The following XPO5 variants were observed in gnomAD, a reference collection of about 807,000 sequenced individuals.
XPO5 encodes exportin 5, also known as exportin-5.
A neutral mutation model predicts 160.6 loss-of-function variants in XPO5; 46 were observed. That is an observed-to-expected ratio of 0.29 (90% CI 0.23 to 0.37). The LOEUF (loss-of-function observed/expected upper bound fraction) is 0.37. Ranked by LOEUF, XPO5 falls within the 10% of genes least tolerant of loss-of-function variation. The probability of loss-of-function intolerance (pLI) is 1.00; values close to 1 mark genes in which losing one functional copy is unlikely to be tolerated. For synonymous variants in XPO5, 537 were observed against 519.3 expected, an observed-to-expected ratio of 1.03 and a Z score of -0.46; for missense variants, 1,090 against 1,463.9, an observed-to-expected ratio of 0.74 and a Z score of 4.17.
intron 1 of XPO5, 33 bp from the exon 2 acceptor site, chr6:43,573,634 G>A (rs1362694214): frequency 3.8e-6 from 6 of 1,597,424 alleles, no homozygotes; most frequent in Non-Finnish European, 4.3e-6. Flanking sequence ...TTCCTTTCGA[G>A]GGCTGAGAGA....
Position 43,523,620 on chromosome 6 carries a change from A to G in XPO5, c.*248T>C, listed in dbSNP as rs781563050. On this transcript the variant is annotated 3_prime_UTR_variant, in exon 32 of 32. Coordinates refer to ENST00000265351, the MANE Select transcript of XPO5 (RefSeq NM_020750.3). ...TTTTCTTGGAAAAGCCAAATCTCCA[A>G]GTAGAATGGGAACTATCTGGGACAT... 1.4e-6 allele frequency: 1 copy of G among 734,752 alleles called. No homozygotes were observed. The allele number at this position is 734,752 out of a possible 1,614,324, so 45.5% of individuals were successfully genotyped here.
chr6:43,571,105 C>T, intron 3 of XPO5, 111 bp from the exon 4 acceptor site: 9 of 1,104,134 alleles, frequency 8.2e-6, no homozygotes, highest in Non-Finnish European at 9.0e-6. Flanking sequence ...TACTTTTAAA[C>T]CAAACAGAAC....
intron 27 of XPO5, 154 bp downstream of exon 27, chr6:43,526,531 G>A (rs1217906830): frequency 1.5e-5 from 12 of 782,090 alleles, no homozygotes; most frequent in Non-Finnish European, 2.1e-5. Context: ...GTGGGAGTAT[G>A]ATGGAGGCAC....
In XPO5 at chr6:43,570,003, CTTTTTTTTTTTTTT is replaced by C. The variant is rs35322286; in HGVS notation, c.621+485_621+498del. On this transcript the variant is annotated intron_variant, in intron 5 of 31. Transcript: ENST00000265351. ...GGCTGCAGTAAGCCGAGATCCCTATCTTTTTTTTTTTTTTTTTTTTTTTTTTTAAAAAAGGCCAG... is the reference window on the plus strand; with the variant it reads ...GGCTGCAGTAAGCCGAGATCCCTATCTTTTTTTTTTTTTAAAAAAGGCCAG... Among the ~76,000 whole-genome samples, 127 of 85,384 alleles carry C rather than the reference CTTTTTTTTTTTTTT, an allele frequency of 1.5e-3. 1 individual carries two copies. The highest frequency in any genetic ancestry group is 8.7e-4 in the Non-Finnish European group (39 of 44,832). 56.0% of individuals were successfully genotyped at this position (85,384 alleles called of 152,430 possible). A position where few individuals can be genotyped will look rare whatever the true frequency, so the allele number is the denominator to read the frequency against.
chr6:43,572,662 A>AT, intron 2 of XPO5, 84 bp from the exon 3 acceptor site: 11 of 1,332,528 alleles, frequency 8.3e-6, no homozygotes, highest in Non-Finnish European at 1.2e-5. Flanking sequence ...TCTACATTTG[A>AT]TTACACTGGA....
chr6:43,546,526 A>AG, intron 20 of XPO5, 45 bp downstream of exon 20: 2 of 1,551,590 alleles, frequency 1.3e-6, no homozygotes, highest in Admixed American at 4.2e-5. Context: ...GAAATTTTTA[A>AG]GGTAAAGTAG....
intron 2 of XPO5, chr6:43,573,256 G>C (rs1763104019): frequency 2.1e-6 from 1 of 483,434 alleles, no homozygotes; most frequent in African/African-American, 2.0e-5. Context: ...TTTGTTGAAT[G>C]GGTAATATGT....
Position 43,570,514 on chromosome 6 carries a change from C to A in XPO5, c.609G>T (p.Lys203Asn). 1 of 1,612,964 alleles carries A rather than the reference C, an allele frequency of 6.2e-7. No individual in the cohort carries two copies. Among genetic ancestry groups the A allele is most frequent in the Non-Finnish European group, 8.5e-7 (1 of 1,179,528 alleles). ...LLNTLQENVN[K>N]YQQVKTDTSQ... ...GGGTATCCCTTACCACTTGCTGATA[C>A]TTGTTTACATTTTCTTGAAGTGTGT... The change falls in exon 5 of 32, where the codon AAG (lysine) becomes AAT (asparagine). Residue 203 changes from lysine (K) to asparagine (N), a missense_variant. Lys to Asn is a moderately conservative substitution (Grantham distance 94, BLOSUM62 0). Coordinates refer to ENST00000265351, the MANE Select transcript of XPO5 (RefSeq NM_020750.3).
intron 20 of XPO5, among the ~76,000 whole-genome samples, chr6:43,536,711 G>A (rs1052915444): frequency 1.3e-4 from 16 of 126,780 alleles, no homozygotes; most frequent in African/African-American, 4.9e-4. Flanking sequence ...AGTGAGCCAA[G>A]GTCGCGCCAC....
chr6:43,557,164 C>T (rs1172191802), intron 12 of XPO5, among the ~76,000 whole-genome samples: 3 of 132,644 alleles, frequency 2.3e-5, no homozygotes, highest in Non-Finnish European at 3.1e-5. Flanking sequence ...TGGTGGCTTA[C>T]GCCTGTAATC....
At chr6:43,549,397 T>C in intron 17 of XPO5, 92 bp downstream of exon 17, 2 of 1,266,274 alleles carry the variant, frequency 1.6e-6, no homozygotes, top group Non-Finnish European at 2.2e-6. Flanking sequence ...CTATAGTTTC[T>C]AGTTTTTTCT....
At chr6:43,551,191 G>C in intron 15 of XPO5, 107 bp downstream of exon 15, 1 of 1,226,414 alleles carries the variant, frequency 8.2e-7, no homozygotes, top group Non-Finnish European at 1.1e-6. Context: ...AGTAATTTGA[G>C]TCCAGCCTGG....
intron 5 of XPO5, among the ~76,000 whole-genome samples, chr6:43,570,097 G>C (rs138208331): frequency 0.012 from 1,805 of 147,838 alleles, 40 homozygotes; most frequent in African/African-American, 0.043. Context: ...CGGATCATGA[G>C]GTCAGGAGAT....
rs558564968 is a variant in XPO5, at chr6:43,557,341, G to A, written c.1312+1160C>T. Among the ~76,000 whole-genome samples the A allele has an allele frequency of 1.2e-3, 177 of 150,968 alleles. 1 individual carries two copies. Among genetic ancestry groups the A allele is most frequent in the African/African-American group, 3.9e-3 (161 of 41,026 alleles). On this transcript the variant is annotated intron_variant, in intron 12 of 31. Coordinates refer to ENST00000265351, the MANE Select transcript of XPO5 (RefSeq NM_020750.3). ...TTCAGGAGGCTGAGGCAGGAGAATCGCTTGAATCCGGGAGGCAGAGGTTGC... is the reference window on the plus strand; with the variant it reads ...TTCAGGAGGCTGAGGCAGGAGAATCACTTGAATCCGGGAGGCAGAGGTTGC...
At chr6:43,564,681 T>C (rs1051064507) in intron 8 of XPO5, among the ~76,000 whole-genome samples, 1 of 152,112 alleles carries the variant, frequency 6.6e-6, no homozygotes, top group African/African-American at 2.4e-5. Context: ...TGGTTCACGA[T>C]TGCCTGGACT....
Position 43,525,317 on chromosome 6 carries a change from C to A in XPO5, c.3067-103G>T, listed in dbSNP as rs568346345. The A allele has an allele frequency of 1.6e-5, 18 of 1,114,662 alleles. No individual in the cohort carries two copies. In the East Asian group the frequency reaches 2.8e-4, roughly 18 times the overall value. 69.0% of individuals were successfully genotyped at this position (1,114,662 alleles called of 1,614,324 possible). A position where few individuals can be genotyped will look rare whatever the true frequency, so the allele number is the denominator to read the frequency against. On this transcript the variant is annotated intron_variant, in intron 28 of 31. Coordinates refer to ENST00000265351, the MANE Select transcript of XPO5 (RefSeq NM_020750.3). ...GGAGGGTTTTTTTTTTTTCCTCCCC[C>A]CCTCTAAAGATGGGTTTGTTTTGTT...
At chr6:43,525,383 C>G in intron 28 of XPO5, 169 bp from the exon 29 acceptor site, 1 of 638,592 alleles carries the variant, frequency 1.6e-6, no homozygotes, top group Middle Eastern at 4.3e-4. Flanking sequence ...AGCTATTCTC[C>G]CATCTAAGCC....
Position 43,528,168 on chromosome 6 carries a change from C to G in XPO5, c.2813G>C (p.Ser938Thr), listed in dbSNP as rs758485336. ...GGTAGGTATCCCTTACCACAGCAGGCTCCTTTGGTTGATAACTTGCCATTT... is the reference window on the plus strand; with the variant it reads ...GGTAGGTATCCCTTACCACAGCAGGGTCCTTTGGTTGATAACTTGCCATTT... ...SQKWQVINQR[S>T]LLCGEDEAAD... The change falls in exon 25 of 32, where the codon AGC (serine) becomes ACC (threonine). Residue 938 changes from serine (S) to threonine (T), a missense_variant. By Grantham distance (58) the Ser-to-Thr change is moderately conservative (BLOSUM62 1). Coordinates refer to ENST00000265351, the MANE Select transcript of XPO5 (RefSeq NM_020750.3). 2 of 1,593,796 alleles carry G rather than the reference C, an allele frequency of 1.3e-6. No homozygotes were observed. Among genetic ancestry groups the G allele is most frequent in the Non-Finnish European group, 1.7e-6 (2 of 1,169,744 alleles).
chr6:43,537,717 T>G (rs936848152), intron 20 of XPO5, among the ~76,000 whole-genome samples: 3 of 152,068 alleles, frequency 2.0e-5, no homozygotes, highest in Non-Finnish European at 4.4e-5. Context: ...ATCATCAAAA[T>G]TTCACCAGGG....
Sources: gnomAD v4.1 joint callset for allele counts (sites outside exome capture counted in the v4.1 genomes callset) on GRCh38, gnomAD v4.1.1 for gene constraint, MANE v1.5 for transcripts, NCBI Gene and HGNC (gene_info 2026-07-23, HGNC 2026-07-21) for gene names.